The following SLC30A9 variants were observed in gnomAD, a reference collection of about 807,000 sequenced individuals.
The protein encoded by SLC30A9 is proton-coupled zinc antiporter SLC30A9, mitochondrial.
Under a neutral mutation model 87.5 loss-of-function variants are expected in SLC30A9, and 58 were observed. That is an observed-to-expected ratio of 0.66 (90% confidence interval 0.54 to 0.82). SLC30A9 has a LOEUF of 0.82. Among genes scored for constraint, SLC30A9 ranks in the 40% least tolerant of loss-of-function variants. The probability of loss-of-function intolerance (pLI) is 0.00; values close to 1 mark genes in which losing one functional copy is unlikely to be tolerated. For missense variants in SLC30A9, 557 were observed against 679.1 expected (o/e 0.82, Z 2.00); for synonymous variants, 234 against 233.0 (o/e 1.00, Z -0.04).
chr4:42,086,055 T>G, intron 17 of SLC30A9, 27 bp from the exon 18 acceptor site: 1 of 1,149,638 alleles, frequency 8.7e-7, no homozygotes, highest in Non-Finnish European at 1.2e-6. Context: ...TTGCTACAAA[T>G]AATGTGGTGG....
chr4:42,012,795 CT>C (rs200046434), intron 2 of SLC30A9, among the ~76,000 whole-genome samples: 2,438 of 151,868 alleles, frequency 0.016, 24 homozygotes, highest in Non-Finnish European at 0.025. Context: ...ACAAAAAAAA[CT>C]ATTAAAGCAT....
chr4:42,023,945 A>T (rs1387440380), intron 6 of SLC30A9, among the ~76,000 whole-genome samples: 1 of 152,136 alleles, frequency 6.6e-6, no homozygotes, highest in Admixed American at 6.5e-5. Context: ...GTATCATGAG[A>T]ACAGTATGGG....
At chr4:41,991,058 T>C (rs1360341772) in intron 1 of SLC30A9, among the ~76,000 whole-genome samples, 1 of 152,250 alleles carries the variant, frequency 6.6e-6, no homozygotes, top group Admixed American at 6.5e-5. Flanking sequence ...TACGTGCGCA[T>C]CGCGGTGTCC....
intron 9 of SLC30A9, among the ~76,000 whole-genome samples, chr4:42,054,323 A>G (rs1717512487): frequency 6.6e-6 from 1 of 152,104 alleles, no homozygotes; most frequent in Non-Finnish European, 1.5e-5. Flanking sequence ...GCACCACTGT[A>G]CTCCAGCCTG....
At position 42,076,686 on chromosome 4, in the gene SLC30A9, G is replaced by A. The variant is rs113905201; in HGVS notation, c.1548+900G>A. 7.7e-3 allele frequency among the ~76,000 whole-genome samples: 1,176 copies of A among 152,132 alleles called. 14 individuals are homozygous for A. Among genetic ancestry groups the A allele is most frequent in the Middle Eastern group, 0.017 (5 of 294 alleles). The stretch of plus-strand genomic sequence containing the variant: ...TACTGTTAGAAACAATGCCATGGCC[G>A]GGCGCGGTGGCTCACGTCTGTAATC... On this transcript the variant is annotated intron_variant, in intron 16 of 17. Transcript: ENST00000264451.
At chr4:42,016,093 C>T (rs1715708497) in intron 2 of SLC30A9, among the ~76,000 whole-genome samples, 1 of 152,106 alleles carries the variant, frequency 6.6e-6, no homozygotes, top group South Asian at 2.1e-4. Flanking sequence ...ATCTCTGTGC[C>T]TCAGTTTTCT....
At chr4:41,991,353 G>A (rs1388453626) in intron 1 of SLC30A9, among the ~76,000 whole-genome samples, 1 of 152,212 alleles carries the variant, frequency 6.6e-6, no homozygotes, top group Non-Finnish European at 1.5e-5. Context: ...TCTTTTTGGT[G>A]AAAAGGTGGC....
intron 8 of SLC30A9, among the ~76,000 whole-genome samples, chr4:42,042,130 G>A (rs1439792363): frequency 6.6e-6 from 1 of 152,126 alleles, no homozygotes; most frequent in South Asian, 2.1e-4. Context: ...AAAACTGGGC[G>A]GCCATTTGGG....
intron 6 of SLC30A9, among the ~76,000 whole-genome samples, chr4:42,024,874 T>A (rs1716121863): frequency 6.6e-6 from 1 of 152,260 alleles, no homozygotes. Context: ...ATATGTTTTG[T>A]TCACTTTTCT....
intron 1 of SLC30A9, among the ~76,000 whole-genome samples, chr4:42,000,097 C>G: frequency 6.6e-6 from 1 of 151,854 alleles, no homozygotes; most frequent in East Asian, 1.9e-4. Flanking sequence ...ATTTTAAAAA[C>G]AAAAGAGAAC....
At chr4:42,069,363 A>G (rs13152794) in intron 14 of SLC30A9, among the ~76,000 whole-genome samples, 1 of 152,226 alleles carries the variant, frequency 6.6e-6, no homozygotes, top group South Asian at 2.1e-4. Flanking sequence ...TAAAAAAGGT[A>G]TTTTCTTTCA....
chr4:42,023,462 G>A (rs1716060135), intron 6 of SLC30A9, 78 bp downstream of exon 6: 4 of 908,840 alleles, frequency 4.4e-6, no homozygotes, highest in Admixed American at 1.9e-5. Context: ...GAACTCTCTA[G>A]TGCTAGCATA....
intron 6 of SLC30A9, among the ~76,000 whole-genome samples, chr4:42,026,093 T>G (rs1013464060): frequency 1.3e-5 from 2 of 152,180 alleles, no homozygotes; most frequent in Admixed American, 1.3e-4. Context: ...GCTTCCTGAG[T>G]AGCCAGGACT....
At chr4:42,080,468 A>G (rs1031487258) in intron 17 of SLC30A9, among the ~76,000 whole-genome samples, 2 of 152,224 alleles carry the variant, frequency 1.3e-5, no homozygotes, top group Non-Finnish European at 2.9e-5. Flanking sequence ...AATGCATAGT[A>G]TTACTCTCCT....
intron 1 of SLC30A9, among the ~76,000 whole-genome samples, chr4:41,991,735 T>C (rs1714450431): frequency 6.6e-6 from 1 of 152,152 alleles, no homozygotes; most frequent in African/African-American, 2.4e-5. Context: ...CTTGGCAACA[T>C]AGTGAGCTGT....
At chr4:41,991,082 C>T (rs1449838963) in intron 1 of SLC30A9, among the ~76,000 whole-genome samples, 1 of 152,284 alleles carries the variant, frequency 6.6e-6, no homozygotes, top group Non-Finnish European at 1.5e-5. Context: ...GGTTACTCAC[C>T]TCCGCGGTTG....
intron 1 of SLC30A9, among the ~76,000 whole-genome samples, chr4:42,000,768 A>C (rs1233551221): frequency 6.6e-6 from 1 of 152,066 alleles, no homozygotes; most frequent in African/African-American, 2.4e-5. Flanking sequence ...GCACTTACAA[A>C]AGTTTCAACT....
chr4:42,070,654 C>T lies in SLC30A9; in HGVS notation c.1381C>T (p.Arg461Trp), dbSNP rs752883251. 9.3e-6 allele frequency: 15 copies of T among 1,613,908 alleles called. No homozygotes were observed. Among genetic ancestry groups the T allele is most frequent in the South Asian group, 1.1e-5 (1 of 91,062 alleles). Residue 461 changes from arginine (R) to tryptophan (W), a missense_variant, in exon 15 of 18, where the codon CGG becomes TGG. Transcript: ENST00000264451. ...GTCCATCCAGCCAGAACAAGTACAA[C>T]GGCTCACTGAACTCCTGGAGAATGA... ...GRSIQPEQVQ[R>W]LTELLENDPS...
intron 15 of SLC30A9, among the ~76,000 whole-genome samples, chr4:42,073,785 G>T (rs1044364578): frequency 3.9e-5 from 6 of 152,138 alleles, no homozygotes; most frequent in Admixed American, 2.0e-4. Flanking sequence ...AAAGTCACAG[G>T]TTAGTCACCT....
Sources: allele counts gnomAD v4.1 joint callset (sites outside exome capture counted in the v4.1 genomes callset), GRCh38; gene constraint gnomAD v4.1.1; transcripts MANE v1.5; gene names NCBI Gene and HGNC (gene_info 2026-07-23, HGNC 2026-07-21).